The following LSAMP variants were observed in gnomAD, a reference collection of about 807,000 sequenced individuals.
LSAMP encodes limbic system associated membrane protein.
In LSAMP, 7 loss-of-function variants were observed where a neutral mutation model predicts 38.6. The observed-to-expected ratio is 0.18, with a 90% confidence interval of 0.10 to 0.34. The LOEUF (loss-of-function observed/expected upper bound fraction) is 0.34, where lower values mean the gene tolerates loss of function less well. Among genes scored for constraint, LSAMP ranks in the 10% least tolerant of loss-of-function variants. The probability of loss-of-function intolerance (pLI) is 1.00; values close to 1 mark genes in which losing one functional copy is unlikely to be tolerated. For synonymous variants in LSAMP, 154 were observed against 166.8 expected, an observed-to-expected ratio of 0.92 and a Z score of 0.59; for missense variants, 313 against 420.0, an observed-to-expected ratio of 0.75 and a Z score of 2.23.
At chr3:116,182,049 T>C (rs960028429) in intron 1 of LSAMP, among the ~76,000 whole-genome samples, 4 of 151,960 alleles carry the variant, frequency 2.6e-5, no homozygotes, top group Middle Eastern at 3.2e-3. Flanking sequence ...TGTGTTTCAG[T>C]GTCAATGGGA....
intron 1 of LSAMP, among the ~76,000 whole-genome samples, chr3:116,239,185 T>C (rs1346381352): frequency 2.6e-5 from 4 of 152,124 alleles, no homozygotes; most frequent in Non-Finnish European, 5.9e-5. Context: ...ATGAAATGTA[T>C]AGAGTCTCAC....
At chr3:116,200,849 C>A (rs1476692015) in intron 1 of LSAMP, among the ~76,000 whole-genome samples, 1 of 152,186 alleles carries the variant, frequency 6.6e-6, no homozygotes, top group Non-Finnish European at 1.5e-5. Flanking sequence ...CTTTCTTGTT[C>A]TCTTCTATTT....
chr3:116,056,813 G>C (rs1054391797), intron 2 of LSAMP, among the ~76,000 whole-genome samples: 1 of 151,982 alleles, frequency 6.6e-6, no homozygotes. Flanking sequence ...CAAGACAGTG[G>C]GATCTAGATA....
chr3:116,286,742 T>C (rs1365813656), intron 1 of LSAMP, among the ~76,000 whole-genome samples: 1 of 152,196 alleles, frequency 6.6e-6, no homozygotes, highest in Non-Finnish European at 1.5e-5. Context: ...ATCTGTACCA[T>C]GCAAAAGCAG....
At chr3:115,810,472 T>G in intron 6 of LSAMP, 58 bp from the exon 7 acceptor site, 1 of 1,159,370 alleles carries the variant, frequency 8.6e-7, no homozygotes, top group Non-Finnish European at 1.3e-6. Context: ...CCACTGTATG[T>G]TATAGCTGAC....
At chr3:116,118,701 A>C (rs912186386) in intron 1 of LSAMP, among the ~76,000 whole-genome samples, 2 of 152,194 alleles carry the variant, frequency 1.3e-5, no homozygotes, top group Admixed American at 6.5e-5. Context: ...CACAACACCC[A>C]CACACATGCC....
chr3:116,310,554 T>C (rs2047544042), intron 1 of LSAMP, among the ~76,000 whole-genome samples: 1 of 152,200 alleles, frequency 6.6e-6, no homozygotes, highest in Admixed American at 6.5e-5. Flanking sequence ...AGGCTTTCTG[T>C]ATATACAGCT....
intron 1 of LSAMP, among the ~76,000 whole-genome samples, chr3:116,187,573 A>C (rs1710650280): frequency 2.6e-5 from 4 of 152,084 alleles, no homozygotes; most frequent in Admixed American, 2.6e-4. Context: ...GCAAACATGA[A>C]AGTTTTATAT....
At chr3:116,420,764 C>G (rs1460346234) in intron 1 of LSAMP, among the ~76,000 whole-genome samples, 1 of 151,966 alleles carries the variant, frequency 6.6e-6, no homozygotes, top group Non-Finnish European at 1.5e-5. Context: ...GTTATCCCAG[C>G]TACTTGGGAG....
At chr3:116,305,863 G>C (rs1316303579) in intron 1 of LSAMP, among the ~76,000 whole-genome samples, 1 of 150,966 alleles carries the variant, frequency 6.6e-6, no homozygotes, top group Non-Finnish European at 1.5e-5. Flanking sequence ...TCATTCCCCA[G>C]TCTGAGATAA....
chr3:116,150,241 T>C (rs1709580918), intron 1 of LSAMP, among the ~76,000 whole-genome samples: 1 of 152,074 alleles, frequency 6.6e-6, no homozygotes, highest in Admixed American at 6.6e-5. Context: ...GCCTAGGGTT[T>C]ACTTAAGTCA....
At chr3:116,331,514 T>C (rs142770663) in intron 1 of LSAMP, among the ~76,000 whole-genome samples, 14 of 152,278 alleles carry the variant, frequency 9.2e-5, no homozygotes, top group African/African-American at 3.4e-4. Context: ...ACACATCATA[T>C]ATGAGAGCTA....
chr3:116,077,100 T>A (rs1038285950), intron 2 of LSAMP, among the ~76,000 whole-genome samples: 1 of 150,424 alleles, frequency 6.6e-6, no homozygotes, highest in African/African-American at 2.4e-5. Context: ...ATATTGTTAA[T>A]ATATTTGCTT....
chr3:116,024,800 T>TATTATC (rs1940741416), intron 2 of LSAMP, among the ~76,000 whole-genome samples: 1 of 150,872 alleles, frequency 6.6e-6, no homozygotes, highest in Non-Finnish European at 1.5e-5. Flanking sequence ...TTATTATTAT[T>TATTATC]ATTATCATTA....
chr3:116,370,709 C>T (rs571318970), intron 1 of LSAMP, among the ~76,000 whole-genome samples: 15 of 152,174 alleles, frequency 9.9e-5, no homozygotes, highest in African/African-American at 1.7e-4. Flanking sequence ...AGGTGCCATC[C>T]GTGGTTGTTG....
chr3:115,984,824 G>T (rs576460454), intron 3 of LSAMP, among the ~76,000 whole-genome samples: 1 of 152,266 alleles, frequency 6.6e-6, no homozygotes, highest in Admixed American at 6.5e-5. Flanking sequence ...TGACATCAGG[G>T]TTCTATATAG....
At chr3:116,134,332 T>A (rs962281824) in intron 1 of LSAMP, among the ~76,000 whole-genome samples, 4 of 152,072 alleles carry the variant, frequency 2.6e-5, no homozygotes, top group African/African-American at 9.7e-5. Flanking sequence ...ATCACCACCA[T>A]CTTTTCTCTT....
chr3:116,000,465 C>T (rs1051814699), intron 3 of LSAMP, among the ~76,000 whole-genome samples: 13 of 152,268 alleles, frequency 8.5e-5, no homozygotes, highest in Admixed American at 4.6e-4. Flanking sequence ...TCCTCAAACG[C>T]GGATGGCCAC....
At chr3:116,105,598 A>T (rs1290056274) in intron 1 of LSAMP, among the ~76,000 whole-genome samples, 1 of 152,070 alleles carries the variant, frequency 6.6e-6, no homozygotes, top group Non-Finnish European at 1.5e-5. Flanking sequence ...GAGCCAGGAG[A>T]AGGAAATTCA....
Sources: allele counts gnomAD v4.1 joint callset (sites outside exome capture counted in the v4.1 genomes callset), GRCh38; gene constraint gnomAD v4.1.1; transcripts MANE v1.5; gene names NCBI Gene and HGNC (gene_info 2026-07-23, HGNC 2026-07-21).